The following PTH2R variants were observed in gnomAD, a reference collection of about 807,000 sequenced individuals.
The protein encoded by PTH2R is PTH2 receptor.
A neutral mutation model predicts 60.3 loss-of-function variants in PTH2R; 59 were observed. That is an observed-to-expected ratio of 0.98 (90% CI 0.79 to 1.22). The LOEUF is 1.22. Ranked by LOEUF, PTH2R falls within the 50% of genes most tolerant of loss-of-function variation. The pLI, the probability that PTH2R is intolerant of heterozygous loss-of-function variation, is 0.00. For missense variants in PTH2R, 749 were observed against 682.6 expected, an observed-to-expected ratio of 1.10 and a Z score of -1.08; for synonymous variants, 256 against 243.8, an observed-to-expected ratio of 1.05 and a Z score of -0.47.
At chr2:208,464,736 G>A (rs189366124) in intron 9 of PTH2R, among the ~76,000 whole-genome samples, 148 of 152,228 alleles carry the variant, frequency 9.7e-4, no homozygotes, top group African/African-American at 3.4e-3. Context: ...GGAATAGACT[G>A]GGCATGGTGG....
intron 1 of PTH2R, among the ~76,000 whole-genome samples, chr2:208,376,386 C>A (rs1257704271): frequency 6.6e-6 from 1 of 152,012 alleles, no homozygotes; most frequent in African/African-American, 2.4e-5. Flanking sequence ...TACTGTTGCA[C>A]TTTTATGTGT....
intron 1 of PTH2R, among the ~76,000 whole-genome samples, chr2:208,408,005 G>A (rs1701453726): frequency 6.6e-6 from 1 of 152,082 alleles, no homozygotes; most frequent in South Asian, 2.1e-4. Flanking sequence ...CTATGTTCTC[G>A]GCTTTCAGAT....
chr2:208,391,633 G>A (rs1701110057), intron 1 of PTH2R, among the ~76,000 whole-genome samples: 1 of 152,094 alleles, frequency 6.6e-6, no homozygotes, highest in Non-Finnish European at 1.5e-5. Flanking sequence ...GTAATGGATG[G>A]GCTATTTCAC....
At chr2:208,428,157 G>GA (rs747625116) in intron 1 of PTH2R, 44 bp from the exon 2 acceptor site, 2 of 1,458,660 alleles carry the variant, frequency 1.4e-6, no homozygotes, top group Admixed American at 1.7e-5. Flanking sequence ...ATCCTGGCTT[G>GA]AAAAAACATG....
chr2:208,442,869 A>G (rs1702214645), intron 5 of PTH2R, among the ~76,000 whole-genome samples: 1 of 152,168 alleles, frequency 6.6e-6, no homozygotes, highest in Non-Finnish European at 1.5e-5. Flanking sequence ...CCACTTTAAC[A>G]TGTGTCCAAT....
chr2:208,450,846 A>G, intron 8 of PTH2R, 37 bp downstream of exon 8: 1 of 1,603,240 alleles, frequency 6.2e-7, no homozygotes, highest in Non-Finnish European at 8.5e-7. Context: ...AGAACCTCAG[A>G]TGTTCTCAAG....
At chr2:208,370,249 C>T (rs1219863332) in intron 1 of PTH2R, among the ~76,000 whole-genome samples, 1 of 151,716 alleles carries the variant, frequency 6.6e-6, no homozygotes, top group Non-Finnish European at 1.5e-5. Context: ...CGAGACCATC[C>T]TAGCTAACAT....
rs577182054 is a variant in PTH2R, at chr2:208,432,822, G to A, written c.178+4519G>A. ...GAAGCATCCAGCACAGGGGAAAGAT[G>A]AAAACTCAGCAAGCCAGCTTATCCC... On this transcript the variant is annotated intron_variant, in intron 2 of 12. Coordinates refer to ENST00000272847, the MANE Select transcript of PTH2R (RefSeq NM_005048.4). 3.3e-5 allele frequency among the ~76,000 whole-genome samples: 5 copies of A among 152,270 alleles called. No individual in the cohort carries two copies. The South Asian group carries it at 8.3e-4, about 25-fold the overall frequency.
chr2:208,366,904 C>T (rs914755214), intron 1 of PTH2R, among the ~76,000 whole-genome samples: 2 of 152,174 alleles, frequency 1.3e-5, no homozygotes, highest in African/African-American at 4.8e-5. Context: ...GAACTGTATT[C>T]AAATAAGGGA....
chr2:208,488,197 G>T (rs1703317513), intron 10 of PTH2R, among the ~76,000 whole-genome samples: 2 of 152,088 alleles, frequency 1.3e-5, no homozygotes, highest in South Asian at 4.2e-4. Flanking sequence ...AGACAAAATA[G>T]ACCTAAAGGC....
rs1553541025 is a variant in PTH2R at position 208,388,139 on chromosome 2, C to CG, written c.-259+27902_-259+27903insG. Among the ~76,000 whole-genome samples, 74 of 149,546 alleles carry CG rather than the reference C, an allele frequency of 4.9e-4. 1 individual carries two copies. Among genetic ancestry groups the CG allele is most frequent in the African/African-American group, 1.4e-3 (59 of 40,730 alleles). ...TCTGGCTAACATGGTGAAACCCCCC[C>CG]CCCCGTCTCTACTAAAAATACAAAA... On this transcript the variant is annotated intron_variant, in intron 1 of 12. Coordinates refer to the PTH2R transcript ENST00000617735.
At chr2:208,462,665 A>G (rs1702657333) in intron 9 of PTH2R, among the ~76,000 whole-genome samples, 1 of 152,250 alleles carries the variant, frequency 6.6e-6, no homozygotes, top group Non-Finnish European at 1.5e-5. Flanking sequence ...CATGATTAAC[A>G]TTCAGGAAAA....
chr2:208,376,636 G>C (rs1013846789), intron 1 of PTH2R, among the ~76,000 whole-genome samples: 5 of 151,986 alleles, frequency 3.3e-5, no homozygotes, highest in Admixed American at 1.3e-4. Flanking sequence ...TAAGTAATAA[G>C]AGTAAGAAAA....
At chr2:208,469,373 T>G (rs2105895685) in intron 9 of PTH2R, among the ~76,000 whole-genome samples, 2 of 152,362 alleles carry the variant, frequency 1.3e-5, no homozygotes, top group South Asian at 4.1e-4. Flanking sequence ...CTTTGGCTAT[T>G]ATAATACTGT....
At chr2:208,403,214 C>T (rs917460363), upstream of PTH2R, among the ~76,000 whole-genome samples, 3 of 152,106 alleles carry the variant, frequency 2.0e-5, no homozygotes, top group Non-Finnish European at 2.9e-5. Flanking sequence ...TTCAGTCAGA[C>T]GTTTTCCATG....
chr2:208,483,333 A>G (rs990318804), intron 10 of PTH2R, among the ~76,000 whole-genome samples: 12 of 152,236 alleles, frequency 7.9e-5, no homozygotes, highest in Admixed American at 3.9e-4. Context: ...AAAGGATAGA[A>G]TAATAAAAAA....
intron 1 of PTH2R, among the ~76,000 whole-genome samples, chr2:208,386,633 C>A (rs1701007678): frequency 6.6e-6 from 1 of 152,150 alleles, no homozygotes; most frequent in South Asian, 2.1e-4. Context: ...TCTCACAGTT[C>A]TGGAGTCTGG....
Position 208,449,450 on chromosome 2 carries a change from GATAA to G in PTH2R, c.854-1295_854-1292del, listed in dbSNP as rs1184196884. Among the ~76,000 whole-genome samples, 525 of 150,122 alleles carry G rather than the reference GATAA, an allele frequency of 3.5e-3. 1 individual carries two copies. Among genetic ancestry groups the G allele is most frequent in the African/African-American group, 6.9e-3 (276 of 39,838 alleles). On this transcript the variant is annotated intron_variant, in intron 7 of 12. Transcript: ENST00000272847. ...AATGGAGAAATGTGATAGATAGATA[GATAA>G]ATAGATAGATAGATAGATAGATAGA...
rs142155099 is a variant in PTH2R at position 208,421,699 on chromosome 2, A to G, written c.76-6502A>G. Among the ~76,000 whole-genome samples the G allele has an allele frequency of 2.6e-3, 397 of 152,352 alleles. 1 individual carries two copies. The highest frequency in any genetic ancestry group is 8.7e-3 in the African/African-American group (362 of 41,586). ...CAAGGGAATCACACTCGTGAGAGTG[A>G]CATTGGCATTTAAGAAAAGGAAAAT... On this transcript the variant is annotated intron_variant, in intron 1 of 12. Coordinates refer to ENST00000272847, the MANE Select transcript of PTH2R (RefSeq NM_005048.4).
Sources: allele counts gnomAD v4.1 joint callset (sites outside exome capture counted in the v4.1 genomes callset), GRCh38; gene constraint gnomAD v4.1.1; transcripts MANE v1.5; gene names NCBI Gene and HGNC (gene_info 2026-07-23, HGNC 2026-07-21).